The following CCDC68 variants were observed in gnomAD, a reference collection of about 807,000 sequenced individuals.
CCDC68 encodes the protein coiled-coil domain-containing protein 68.
A neutral mutation model predicts 47.1 loss-of-function variants in CCDC68; 45 were observed. The observed-to-expected ratio is 0.96, with a 90% CI of 0.75 to 1.23. The LOEUF (loss-of-function observed/expected upper bound fraction) is 1.23. Among genes scored for constraint, CCDC68 ranks in the 50% most tolerant of loss-of-function variants. The pLI is 0.00. For missense variants in CCDC68, 353 were observed against 373.6 expected (o/e 0.94, Z 0.45); for synonymous variants, 131 against 129.5 (o/e 1.01, Z -0.08).
At chr18:54,946,537 G>A (rs1266973886) in intron 1 of CCDC68, among the ~76,000 whole-genome samples, 1 of 152,154 alleles carries the variant, frequency 6.6e-6, no homozygotes, top group Non-Finnish European at 1.5e-5. Context: ...AATCATAAGA[G>A]GCATTTTATC....
intron 7 of CCDC68, among the ~76,000 whole-genome samples, chr18:54,932,188 G>GTTT (rs554711166): frequency 4.2e-5 from 6 of 141,882 alleles, no homozygotes; most frequent in Non-Finnish European, 6.1e-5. Context: ...AACCAATTTG[G>GTTT]TTTTTTTTTT....
intron 3 of CCDC68, among the ~76,000 whole-genome samples, chr18:54,941,746 A>G (rs374414646): frequency 2.0e-4 from 30 of 152,308 alleles, no homozygotes; most frequent in African/African-American, 4.8e-4. Flanking sequence ...AGACTGTAAG[A>G]CTGTAAGAGT....
intron 7 of CCDC68, among the ~76,000 whole-genome samples, chr18:54,929,107 ACTT>A (rs1300081261): frequency 1.3e-5 from 2 of 152,102 alleles, no homozygotes; most frequent in Non-Finnish European, 2.9e-5. Context: ...TGCCTGGAGG[ACTT>A]CTTCTGCTCC....
chr18:54,940,903 A>G, intron 4 of CCDC68, 94 bp downstream of exon 4: 1 of 808,806 alleles, frequency 1.2e-6, no homozygotes. Flanking sequence ...TTCAACACTC[A>G]TCCTTCGAAT....
At chr18:54,936,261 AAATATATAGTTATATATTTTTAAAT>A (rs1340707865) in intron 6 of CCDC68, among the ~76,000 whole-genome samples, 9 of 145,544 alleles carry the variant, frequency 6.2e-5, no homozygotes, top group African/African-American at 2.2e-4. Flanking sequence ...ATATATTTAA[AAATATATAGTTATATATTTTTAAAT>A]AATATATAAA....
intron 7 of CCDC68, among the ~76,000 whole-genome samples, chr18:54,930,110 A>T (rs2044216910): frequency 6.6e-6 from 1 of 152,222 alleles, no homozygotes; most frequent in Non-Finnish European, 1.5e-5. Flanking sequence ...CTTAAAGAAT[A>T]TTAACCATTT....
chr18:54,940,584 T>C (rs1190764309), intron 4 of CCDC68, among the ~76,000 whole-genome samples: 1 of 152,154 alleles, frequency 6.6e-6, no homozygotes, highest in Non-Finnish European at 1.5e-5. Flanking sequence ...ATACAGCTGA[T>C]GTTGGGGAAG....
At chr18:54,906,211 T>C (rs1427404061) in intron 11 of CCDC68, among the ~76,000 whole-genome samples, 3 of 152,152 alleles carry the variant, frequency 2.0e-5, no homozygotes, top group Admixed American at 1.3e-4. Flanking sequence ...TGGGGACTGC[T>C]GCTTTACATA....
At chr18:54,916,058 T>A (rs2043945845) in intron 10 of CCDC68, among the ~76,000 whole-genome samples, 1 of 152,184 alleles carries the variant, frequency 6.6e-6, no homozygotes, top group Admixed American at 6.5e-5. Flanking sequence ...TTAGAGAACA[T>A]TTCATACAAG....
chr18:54,907,794 G>C lies in CCDC68; in HGVS notation c.942C>G (p.Val314=), dbSNP rs1914101691. ...GAGGACAGAGACCTTACCTTGTAGAGACAGCCTTAGATACCTTTGTCCTAG... is the reference window on the plus strand; with the variant it reads ...GAGGACAGAGACCTTACCTTGTAGACACAGCCTTAGATACCTTTGTCCTAG... ...ETPRTKVSKA[V]STSELKTEGV... Residue 314 remains valine, a synonymous_variant, in exon 11 of 12, where the codon GTC becomes GTG. Transcript: ENST00000591504. 6.3e-7 allele frequency: 1 copy of C among 1,587,286 alleles called. No individual in the cohort carries two copies. The highest frequency in any genetic ancestry group is 1.1e-5 in the South Asian group (1 of 90,464).
At chr18:54,943,288 G>A (rs1047898933) in intron 2 of CCDC68, among the ~76,000 whole-genome samples, 11 of 151,822 alleles carry the variant, frequency 7.2e-5, no homozygotes, top group Admixed American at 2.6e-4. Context: ...AACAAGAAGA[G>A]GATAGATTAA....
At chr18:54,915,146 C>T (rs1392536896) in intron 10 of CCDC68, among the ~76,000 whole-genome samples, 1 of 152,186 alleles carries the variant, frequency 6.6e-6, no homozygotes, top group African/African-American at 2.4e-5. Flanking sequence ...AAACATATTA[C>T]AGATGTACAA....
intron 1 of CCDC68, among the ~76,000 whole-genome samples, chr18:54,955,162 A>G (rs1328458708): frequency 6.6e-6 from 1 of 152,142 alleles, no homozygotes; most frequent in African/African-American, 2.4e-5. Context: ...CTATGAAAAA[A>G]AAAATTTAAT....
chr18:54,944,046 G>A (rs1026602943), intron 2 of CCDC68, among the ~76,000 whole-genome samples: 6 of 151,926 alleles, frequency 3.9e-5, no homozygotes, highest in Admixed American at 2.0e-4. Flanking sequence ...CCAGCTACTC[G>A]GGAGGCTGAA....
intron 1 of CCDC68, among the ~76,000 whole-genome samples, chr18:54,946,443 T>G (rs2044529225): frequency 6.6e-6 from 1 of 152,182 alleles, no homozygotes; most frequent in South Asian, 2.1e-4. Context: ...TTTCCTCCAG[T>G]ACAGTACCCT....
chr18:54,943,183 T>A (rs2044466811), intron 2 of CCDC68, among the ~76,000 whole-genome samples: 1 of 152,180 alleles, frequency 6.6e-6, no homozygotes, highest in Admixed American at 6.5e-5. Flanking sequence ...AACAAAATTA[T>A]GTTTTGTGTG....
At chr18:54,922,815 C>A (rs1395897688) in intron 8 of CCDC68, among the ~76,000 whole-genome samples, 1 of 151,832 alleles carries the variant, frequency 6.6e-6, no homozygotes, top group Non-Finnish European at 1.5e-5. Flanking sequence ...TGGTGAGACC[C>A]TGTCACTACT....
chr18:54,924,537 C>T (rs1775557740), intron 8 of CCDC68, among the ~76,000 whole-genome samples: 1 of 152,190 alleles, frequency 6.6e-6, no homozygotes, highest in Admixed American at 6.5e-5. Context: ...AGGATTCTCT[C>T]TCAATTCATC....
At chr18:54,913,594 G>A (rs1472020851) in intron 10 of CCDC68, among the ~76,000 whole-genome samples, 1 of 152,138 alleles carries the variant, frequency 6.6e-6, no homozygotes, top group Non-Finnish European at 1.5e-5. Flanking sequence ...TTGAGCCCAG[G>A]AGTTTGAAAC....
Sources: allele counts gnomAD v4.1 joint callset (sites outside exome capture counted in the v4.1 genomes callset), GRCh38; gene constraint gnomAD v4.1.1; transcripts MANE v1.5; gene names NCBI Gene and HGNC (gene_info 2026-07-23, HGNC 2026-07-21).